Variants in CCDC171 observed in about 807,000 individuals in gnomAD.
CCDC171 encodes coiled-coil domain-containing protein 171.
A neutral mutation model predicts 168.2 loss-of-function variants in CCDC171; 177 were observed. The observed-to-expected ratio is 1.05, with a 90% confidence interval of 0.93 to 1.19. The LOEUF (loss-of-function observed/expected upper bound fraction) is 1.19. Ranked by LOEUF, CCDC171 falls within the 50% of genes most tolerant of loss-of-function variation. The pLI is 0.00. For missense variants in CCDC171, 1,991 were observed against 1,539.0 expected (o/e 1.29, Z -4.91); for synonymous variants, 687 against 540.8 (o/e 1.27, Z -3.75).
intron 8 of CCDC171, among the ~76,000 whole-genome samples, chr9:15,663,456 C>T (rs1474487704): frequency 6.6e-6 from 1 of 152,000 alleles, no homozygotes; most frequent in Non-Finnish European, 1.5e-5. Context: ...CTCTACCCTC[C>T]TGCCTGCTTA....
intron 7 of CCDC171, among the ~76,000 whole-genome samples, chr9:15,630,848 G>C (rs1432092723): frequency 2.0e-5 from 3 of 152,148 alleles, no homozygotes; most frequent in African/African-American, 4.8e-5. Context: ...AATCAAACTA[G>C]AACTCAGGAT....
chr9:16,103,063 G>C, the CCDC171 span, among the ~76,000 whole-genome samples: 1 of 152,242 alleles, frequency 6.6e-6, no homozygotes, highest in Non-Finnish European at 1.5e-5. Context: ...CTCACCTCCT[G>C]AGGGGACCTG....
intron 24 of CCDC171, among the ~76,000 whole-genome samples, chr9:15,895,939 C>CTT (rs1182190401): frequency 6.6e-6 from 1 of 151,994 alleles, no homozygotes; most frequent in Non-Finnish European, 1.5e-5. Context: ...ATTCCTCTGA[C>CTT]TTTTTCTAAG....
downstream of CCDC171, among the ~76,000 whole-genome samples, chr9:16,065,136 T>C (rs1311407102): frequency 1.3e-5 from 2 of 152,186 alleles, no homozygotes; most frequent in East Asian, 3.8e-4. Flanking sequence ...AAAGCACCTT[T>C]CCCATAGCCA....
intron 23 of CCDC171, among the ~76,000 whole-genome samples, chr9:15,867,767 G>C (rs1027760421): frequency 2.0e-5 from 3 of 152,038 alleles, no homozygotes; most frequent in Non-Finnish European, 4.4e-5. Context: ...GCGTGTATCT[G>C]TCTTTATCCT....
At chr9:15,704,044 C>T (rs981487680) in intron 11 of CCDC171, among the ~76,000 whole-genome samples, 19 of 152,182 alleles carry the variant, frequency 1.2e-4, no homozygotes, top group East Asian at 3.9e-4. Flanking sequence ...AACATGATGC[C>T]AATAGACTTG....
At chr9:15,965,149 A>G (rs1009521595) in intron 25 of CCDC171, among the ~76,000 whole-genome samples, 3 of 152,216 alleles carry the variant, frequency 2.0e-5, no homozygotes, top group Non-Finnish European at 2.9e-5. Context: ...TGAAAGGGCT[A>G]TAACTTTCAT....
At chr9:15,869,148 C>T (rs887642763) in intron 23 of CCDC171, among the ~76,000 whole-genome samples, 1 of 151,962 alleles carries the variant, frequency 6.6e-6, no homozygotes, top group African/African-American at 2.4e-5. Context: ...GGATATGGAA[C>T]CCACAAATAT....
intron 21 of CCDC171, among the ~76,000 whole-genome samples, chr9:15,787,049 G>A (rs567324100): frequency 4.6e-5 from 7 of 152,150 alleles, no homozygotes; most frequent in South Asian, 2.1e-4. Context: ...ATGGACACGC[G>A]TGACAGTATC....
chr9:16,030,037 G>A (rs1833341365), intron 6 of CCDC171, among the ~76,000 whole-genome samples: 1 of 152,204 alleles, frequency 6.6e-6, no homozygotes, highest in Non-Finnish European at 1.5e-5. Flanking sequence ...TCACATGGCA[G>A]AAAGGCAAGA....
intron 11 of CCDC171, among the ~76,000 whole-genome samples, chr9:15,698,825 C>G (rs2051438276): frequency 1.3e-5 from 2 of 152,150 alleles, no homozygotes; most frequent in East Asian, 3.9e-4. Context: ...ATAGCTAGGA[C>G]TTTAGGTATG....
chr9:15,567,266 G>A (rs201570208), intron 2 of CCDC171, among the ~76,000 whole-genome samples: 9 of 152,000 alleles, frequency 5.9e-5, no homozygotes, highest in South Asian at 2.1e-4. Flanking sequence ...GTGATCCACC[G>A]GCCTCAGCCT....
At chr9:15,554,426 A>T (rs2038615346) in intron 1 of CCDC171, among the ~76,000 whole-genome samples, 3 of 152,184 alleles carry the variant, frequency 2.0e-5, no homozygotes, top group Admixed American at 2.0e-4. Context: ...AAGGCAGTGC[A>T]ACCTGCTAAG....
At chr9:16,085,302 T>C in the CCDC171 span, among the ~76,000 whole-genome samples, 2 of 152,198 alleles carry the variant, frequency 1.3e-5, no homozygotes, top group African/African-American at 2.4e-5. Context: ...TTCAGAGAAG[T>C]AGAGTCTTAC....
chr9:15,906,658 G>T (rs527337536), intron 24 of CCDC171, among the ~76,000 whole-genome samples: 1 of 152,274 alleles, frequency 6.6e-6, no homozygotes, highest in Admixed American at 6.5e-5. Flanking sequence ...ACATAGTGTT[G>T]GAAGTTCTGG....
intron 6 of CCDC171, among the ~76,000 whole-genome samples, chr9:15,606,089 A>G (rs1342904085): frequency 8.5e-5 from 13 of 152,234 alleles, no homozygotes; most frequent in Admixed American, 3.9e-4. Context: ...TAGAACCATC[A>G]TAACAAGATA....
In CCDC171 at chr9:15,915,050, T is replaced by C. The variant is rs998210422; in HGVS notation, c.3601-5220T>C. Among the ~76,000 whole-genome samples the C allele has an allele frequency of 3.3e-5, 5 of 152,240 alleles. No individual in the cohort carries two copies. The Middle Eastern group carries it at 0.01, about 311-fold the overall frequency. On this transcript the variant is annotated intron_variant, in intron 24 of 25. Coordinates refer to ENST00000380701, the MANE Select transcript of CCDC171 (RefSeq NM_173550.4). ...ATGCAGAAGTAACCCACCTTCTGCATTGGTCTTGCTGGGAGCTGCAGACTG... is the reference window on the plus strand; with the variant it reads ...ATGCAGAAGTAACCCACCTTCTGCACTGGTCTTGCTGGGAGCTGCAGACTG...
chr9:15,985,377 C>T (rs1315463556), intron 3 of CCDC171, among the ~76,000 whole-genome samples: 1 of 152,118 alleles, frequency 6.6e-6, no homozygotes, highest in Non-Finnish European at 1.5e-5. Flanking sequence ...CAGTTGCTGC[C>T]TTATACTTTA....
chr9:15,950,270 A>G (rs1828972620), intron 25 of CCDC171, among the ~76,000 whole-genome samples: 2 of 152,158 alleles, frequency 1.3e-5, no homozygotes, highest in Admixed American at 1.3e-4. Context: ...GGAAATACAG[A>G]GAACACCACA....
Sources: allele counts gnomAD v4.1 joint callset (sites outside exome capture counted in the v4.1 genomes callset), GRCh38; gene constraint gnomAD v4.1.1; transcripts MANE v1.5; gene names NCBI Gene and HGNC (gene_info 2026-07-23, HGNC 2026-07-21).